Variants in VPS8 observed in about 807,000 individuals in gnomAD.
The protein encoded by VPS8 is VPS8 subunit of CORVET complex.
Under a neutral mutation model 216.4 loss-of-function variants are expected in VPS8, and 129 were observed. That is an observed-to-expected ratio of 0.60 (90% confidence interval 0.52 to 0.69). The LOEUF is 0.69. Ranked by LOEUF, VPS8 falls within the 30% of genes least tolerant of loss-of-function variation. The pLI is 0.00. For synonymous variants in VPS8, 571 were observed against 565.4 expected, an observed-to-expected ratio of 1.01 and a Z score of -0.14; for missense variants, 1,531 against 1,683.5, an observed-to-expected ratio of 0.91 and a Z score of 1.59.
At chr3:185,029,728 A>C (rs1272820689) in intron 46 of VPS8, among the ~76,000 whole-genome samples, 1 of 151,800 alleles carries the variant, frequency 6.6e-6, no homozygotes, top group Non-Finnish European at 1.5e-5. Flanking sequence ...CACCCAGCTA[A>C]TTTTTTTGTA....
chr3:184,941,917 AC>A (rs1326762038), intron 36 of VPS8, among the ~76,000 whole-genome samples: 13 of 152,062 alleles, frequency 8.5e-5, no homozygotes, highest in African/African-American at 3.1e-4. Context: ...AAAAAAAAAA[AC>A]AGTATTAGGT....
chr3:184,983,893 C>T (rs1750616419), intron 42 of VPS8, among the ~76,000 whole-genome samples: 1 of 150,854 alleles, frequency 6.6e-6, no homozygotes, highest in South Asian at 2.1e-4. Flanking sequence ...TTTTAAGACT[C>T]ACCAAGCTTG....
At chr3:184,913,649 T>G in intron 26 of VPS8, 88 bp downstream of exon 26, 3 of 1,087,190 alleles carry the variant, frequency 2.8e-6, no homozygotes, top group Non-Finnish European at 3.9e-6. Context: ...CTTATCTATA[T>G]AGTACTTTTA....
chr3:185,031,075 T>G (rs907963319), intron 46 of VPS8, among the ~76,000 whole-genome samples: 22 of 143,578 alleles, frequency 1.5e-4, no homozygotes, highest in South Asian at 2.3e-4. Context: ...TTTTTTTTTT[T>G]TTTTTTTTTT....
chr3:185,007,275 A>G (rs925828565), intron 45 of VPS8, among the ~76,000 whole-genome samples: 3 of 152,214 alleles, frequency 2.0e-5, no homozygotes, highest in Non-Finnish European at 2.9e-5. Context: ...CATATTACCC[A>G]CAGGAGAAAC....
At chr3:184,998,449 G>T (rs1752910930) in intron 44 of VPS8, among the ~76,000 whole-genome samples, 1 of 137,114 alleles carries the variant, frequency 7.3e-6, no homozygotes, top group African/African-American at 3.0e-5. Flanking sequence ...AGCAAAGGTA[G>T]CTACAACAAC....
chr3:184,854,984 TTTGTTTTC>T (rs1724978899), intron 13 of VPS8, among the ~76,000 whole-genome samples: 2 of 152,268 alleles, frequency 1.3e-5, no homozygotes, highest in African/African-American at 4.8e-5. Context: ...GGAACTCACT[TTTGTTTTC>T]TTGTTGGTAC....
At chr3:184,869,898 G>A (rs946809512) in intron 20 of VPS8, among the ~76,000 whole-genome samples, 5 of 151,948 alleles carry the variant, frequency 3.3e-5, no homozygotes, top group Non-Finnish European at 2.9e-5. Flanking sequence ...TAAAAAAACA[G>A]TCAGGTTATA....
chr3:184,829,051 G>T (rs1268922881), intron 3 of VPS8, among the ~76,000 whole-genome samples: 14 of 152,142 alleles, frequency 9.2e-5, no homozygotes, highest in Non-Finnish European at 2.1e-4. Flanking sequence ...TCACATTGCT[G>T]TGTAAAATTC....
At chr3:184,994,674 C>T in intron 43 of VPS8, among the ~76,000 whole-genome samples, 1 of 152,050 alleles carries the variant, frequency 6.6e-6, no homozygotes, top group Non-Finnish European at 1.5e-5. Flanking sequence ...CTATATACCA[C>T]ATGAAAAGGA....
intron 34 of VPS8, among the ~76,000 whole-genome samples, chr3:184,931,086 C>G (rs755213355): frequency 4.6e-5 from 7 of 152,054 alleles, no homozygotes; most frequent in Non-Finnish European, 1.0e-4. Flanking sequence ...TATTAAGAAA[C>G]AATGCTTCTA....
chr3:184,916,713 G>A (rs1235517845), intron 28 of VPS8, among the ~76,000 whole-genome samples: 1 of 152,068 alleles, frequency 6.6e-6, no homozygotes, highest in Non-Finnish European at 1.5e-5. Flanking sequence ...GGAACATAAG[G>A]GTAGTTGGTG....
At chr3:184,939,578 A>G (rs1221301358) in intron 35 of VPS8, among the ~76,000 whole-genome samples, 2 of 150,350 alleles carry the variant, frequency 1.3e-5, no homozygotes, top group Non-Finnish European at 1.5e-5. Context: ...TTTTCCACAT[A>G]AGGAAATTGA....
chr3:184,839,507 A>G (rs933459090), intron 6 of VPS8, 191 bp from the exon 7 acceptor site: 2 of 568,074 alleles, frequency 3.5e-6, no homozygotes, highest in African/African-American at 3.8e-5. Context: ...GAGTAAATTT[A>G]GAGGGATTCT....
At chr3:184,955,843 T>C (rs889877818) in intron 36 of VPS8, among the ~76,000 whole-genome samples, 1 of 152,072 alleles carries the variant, frequency 6.6e-6, no homozygotes, top group Non-Finnish European at 1.5e-5. Flanking sequence ...GACTTTACAA[T>C]GTGGTTGGGG....
At chr3:184,872,501 A>T (rs540648352) in intron 21 of VPS8, among the ~76,000 whole-genome samples, 13 of 151,146 alleles carry the variant, frequency 8.6e-5, no homozygotes, top group Non-Finnish European at 1.8e-4. Context: ...CTACTAACAG[A>T]TGTTAGTAGT....
intron 38 of VPS8, among the ~76,000 whole-genome samples, chr3:184,966,265 C>T (rs920693508): frequency 2.0e-5 from 3 of 152,142 alleles, no homozygotes; most frequent in Admixed American, 6.5e-5. Flanking sequence ...CACAGAGGGG[C>T]GCACCAAGCC....
chr3:184,953,360 A>G (rs935379050), intron 36 of VPS8, among the ~76,000 whole-genome samples: 2 of 152,214 alleles, frequency 1.3e-5, no homozygotes, highest in African/African-American at 4.8e-5. Flanking sequence ...AAGGTGGGAT[A>G]TCTTGAAGTG....
chr3:185,003,861 C>T lies in VPS8; in HGVS notation c.4002+4000C>T, dbSNP rs551504191. On this transcript the variant is annotated intron_variant, in intron 45 of 47. Coordinates refer to ENST00000625842, the MANE Select transcript of VPS8 (RefSeq NM_001009921.3). ...CTCAGACGGGGCGGCCGGGCAGAGA[C>T]GCTCCTCACCTCCCAGATGGGGTCG... Among the ~76,000 whole-genome samples the T allele has an allele frequency of 1.5e-3, 224 of 150,882 alleles. 2 individuals are homozygous for T. The highest frequency in any genetic ancestry group is 4.3e-3 in the African/African-American group (176 of 40,840).
Sources: gnomAD v4.1 joint callset for allele counts (sites outside exome capture counted in the v4.1 genomes callset) on GRCh38, gnomAD v4.1.1 for gene constraint, MANE v1.5 for transcripts, NCBI Gene and HGNC (gene_info 2026-07-23, HGNC 2026-07-21) for gene names.